Variants in VTA1 observed in about 807,000 individuals in gnomAD.
VTA1 encodes vesicle trafficking 1.
VTA1 carries 24 observed loss-of-function variants against 36.9 expected under a neutral mutation model. The ratio of observed to expected loss-of-function variants is 0.65; its 90% CI spans 0.47 to 0.91. VTA1 has a LOEUF of 0.91. Among genes scored for constraint, VTA1 ranks in the 40% least tolerant of loss-of-function variants. The probability of loss-of-function intolerance (pLI) is 0.00; values close to 1 mark genes in which losing one functional copy is unlikely to be tolerated. For missense variants in VTA1, 393 were observed against 377.2 expected, an observed-to-expected ratio of 1.04 and a Z score of -0.35; for synonymous variants, 142 against 130.2, an observed-to-expected ratio of 1.09 and a Z score of -0.62.
rs560370406 is a variant in VTA1 at position 142,222,703 on chromosome 6, T to C, written c.*4060T>C. ...TCCTTCCCTGGTTGGTTGTAATCTT[T>C]GAAGTCTATGTGGAATTCTAAGACT... On this transcript the variant is annotated 3_prime_UTR_variant, in exon 8 of 8. Transcript: ENST00000367630. The C allele has an allele frequency of 3.3e-5, 5 of 152,380 alleles. No individual in the cohort carries two copies. The East Asian group carries it at 9.6e-4, about 29-fold the overall frequency. 9.4% of individuals were successfully genotyped at this position (152,380 alleles called of 1,614,324 possible).
intron 7 of VTA1, among the ~76,000 whole-genome samples, chr6:142,217,752 G>T (rs1233120707): frequency 1.3e-5 from 2 of 151,740 alleles, no homozygotes; most frequent in Admixed American, 6.6e-5. Flanking sequence ...GAAAATGGTG[G>T]TTATTTCAAA....
chr6:142,168,518 G>T (rs1416436685), intron 2 of VTA1, among the ~76,000 whole-genome samples: 1 of 151,558 alleles, frequency 6.6e-6, no homozygotes, highest in Non-Finnish European at 1.5e-5. Context: ...TTTTATTCCT[G>T]TATTGTAGTC....
chr6:142,198,612 A>G lies in VTA1; in HGVS notation c.694A>G (p.Thr232Ala). The change falls in exon 6 of 8, where the codon ACA becomes GCA. Residue 232 changes from threonine to alanine, a missense_variant. Physicochemically the swap from Thr to Ala is moderately conservative, Grantham distance 58 (BLOSUM62 0). Coordinates refer to ENST00000367630, the MANE Select transcript of VTA1 (RefSeq NM_016485.5). The stretch of plus-strand genomic sequence containing the variant: ...TACACCAGCAGAAGTGCCTCACAGC[A>G]CAGGTGGGAAACTGTAACTGAATGA... ...ANTPAEVPHS[T>A]GVASNTIQPT... 1 of 1,608,178 alleles carries G rather than the reference A, an allele frequency of 6.2e-7. No individual in the cohort carries two copies. Among genetic ancestry groups the G allele is most frequent in the Non-Finnish European group, 8.5e-7 (1 of 1,176,668 alleles).
chr6:142,175,671 A>T (rs1775108401), intron 4 of VTA1, among the ~76,000 whole-genome samples: 1 of 152,042 alleles, frequency 6.6e-6, no homozygotes, highest in African/African-American at 2.4e-5. Flanking sequence ...GTAGATGGAA[A>T]AATGCCTTAC....
intron 7 of VTA1, among the ~76,000 whole-genome samples, chr6:142,205,531 G>T (rs1246096365): frequency 6.6e-6 from 1 of 152,008 alleles, no homozygotes; most frequent in Non-Finnish European, 1.5e-5. Flanking sequence ...CTTAACTCAG[G>T]ATGTACTCCA....
chr6:142,196,570 T>C (rs1775555922), intron 5 of VTA1, among the ~76,000 whole-genome samples: 1 of 152,194 alleles, frequency 6.6e-6, no homozygotes, highest in Non-Finnish European at 1.5e-5. Context: ...CATCTGTTTT[T>C]TTTCTCTTAC....
chr6:142,157,551 G>GA (rs1164789931), intron 1 of VTA1, among the ~76,000 whole-genome samples: 21 of 152,052 alleles, frequency 1.4e-4, no homozygotes, highest in Non-Finnish European at 2.2e-4. Flanking sequence ...CATCTCTTTA[G>GA]AAAAAACCGT....
At chr6:142,196,918 G>C (rs1016365197) in intron 5 of VTA1, among the ~76,000 whole-genome samples, 1 of 151,904 alleles carries the variant, frequency 6.6e-6, no homozygotes. Context: ...TTTTCTCCAG[G>C]GCCCCCTAGA....
intron 6 of VTA1, among the ~76,000 whole-genome samples, chr6:142,202,617 G>A (rs975932540): frequency 2.0e-5 from 3 of 151,856 alleles, no homozygotes; most frequent in East Asian, 1.9e-4. Flanking sequence ...AAACACACAC[G>A]CAAGTATGCC....
chr6:142,198,115 ATATATGTGTG>A (rs766736125), intron 5 of VTA1, among the ~76,000 whole-genome samples: 5 of 76,546 alleles, frequency 6.5e-5, no homozygotes, highest in South Asian at 9.4e-4. Flanking sequence ...ATATATATAT[ATATATGTGTG>A]TGTGTGTGTG....
intron 5 of VTA1, among the ~76,000 whole-genome samples, chr6:142,191,691 A>G (rs1775459182): frequency 6.6e-6 from 1 of 152,096 alleles, no homozygotes; most frequent in African/African-American, 2.4e-5. Context: ...ATACTTTTTC[A>G]ACTCATTAAC....
chr6:142,211,154 C>T (rs558757750), intron 7 of VTA1, among the ~76,000 whole-genome samples: 1 of 151,194 alleles, frequency 6.6e-6, no homozygotes, highest in East Asian at 1.9e-4. Context: ...TAGTGGTTAC[C>T]AAAGGCCAGG....
intron 1 of VTA1, among the ~76,000 whole-genome samples, chr6:142,165,585 G>A (rs1774896735): frequency 6.6e-6 from 1 of 152,116 alleles, no homozygotes; most frequent in Non-Finnish European, 1.5e-5. Flanking sequence ...ACATATTGTT[G>A]AATGTAAGGG....
intron 4 of VTA1, among the ~76,000 whole-genome samples, chr6:142,184,820 C>A (rs978692617): frequency 1.3e-5 from 2 of 152,008 alleles, no homozygotes; most frequent in African/African-American, 4.8e-5. Flanking sequence ...TAAAATGTGA[C>A]CTGCCTAAAT....
intron 5 of VTA1, 57 bp downstream of exon 5, chr6:142,189,591 G>C (rs1554220320): frequency 7.1e-7 from 1 of 1,415,934 alleles, no homozygotes; most frequent in Non-Finnish European, 9.8e-7. Flanking sequence ...TTATTCAGTA[G>C]ATTACTCAAA....
intron 7 of VTA1, among the ~76,000 whole-genome samples, chr6:142,214,131 G>A (rs1775963093): frequency 6.6e-6 from 1 of 152,120 alleles, no homozygotes; most frequent in African/African-American, 2.4e-5. Flanking sequence ...AAACAGTCAG[G>A]TCAACTCTTG....
chr6:142,147,306 C>G lies in VTA1; in HGVS notation c.19C>G (p.Leu7Val), dbSNP rs749058327. The G allele has an allele frequency of 6.2e-7, 1 of 1,614,234 alleles. No individual in the cohort carries two copies. The change falls in exon 1 of 8, where the codon CTG becomes GTG. Residue 7 changes from leucine to valine, a missense_variant. Physicochemically the swap from Leu to Val is conservative, Grantham distance 32. Transcript: ENST00000367630. MAALAP[L>V]PPLPAQFKSI... Reference sequence around the variant, plus strand: ...AGTAGAGATGGCCGCGCTTGCACCGCTGCCCCCGCTCCCCGCACAGTTCAA... The same window carrying G: ...AGTAGAGATGGCCGCGCTTGCACCGGTGCCCCCGCTCCCCGCACAGTTCAA...
At chr6:142,175,224 G>A (rs534497733) in intron 4 of VTA1, among the ~76,000 whole-genome samples, 9 of 151,718 alleles carry the variant, frequency 5.9e-5, no homozygotes, top group Admixed American at 2.6e-4. Context: ...CCTGCAGTTC[G>A]TTCTTCTGTC....
At chr6:142,193,125 T>A (rs1775484752) in intron 5 of VTA1, among the ~76,000 whole-genome samples, 1 of 152,174 alleles carries the variant, frequency 6.6e-6, no homozygotes, top group Non-Finnish European at 1.5e-5. Context: ...CCAGGATTTC[T>A]AGTGTTTCTT....
Sources: allele counts gnomAD v4.1 joint callset (sites outside exome capture counted in the v4.1 genomes callset), GRCh38; gene constraint gnomAD v4.1.1; transcripts MANE v1.5; gene names NCBI Gene and HGNC (gene_info 2026-07-23, HGNC 2026-07-21).